MTREX: variants seen among roughly 807,000 people sequenced by gnomAD.
MTREX encodes exosome RNA helicase MTR4.
In MTREX, 76 loss-of-function variants were observed where a neutral mutation model predicts 135.4. The observed-to-expected ratio is 0.56, with a 90% confidence interval of 0.47 to 0.68. MTREX has a LOEUF of 0.68. MTREX is among the 30% of genes least tolerant of loss of function. The pLI is 0.00. For missense variants in MTREX, 920 were observed against 1,262.1 expected (o/e 0.73, Z 4.11); for synonymous variants, 404 against 401.6 (o/e 1.01, Z -0.07).
At position 55,414,248 on chromosome 5, in the gene MTREX, T is replaced by C; in HGVS notation, c.2808+10T>C. 1 of 1,520,062 alleles carries C rather than the reference T, an allele frequency of 6.6e-7. No individual in the cohort carries two copies. The highest frequency in any genetic ancestry group is 8.8e-7 in the Non-Finnish European group (1 of 1,134,138). The allele number at this position is 1,520,062 out of a possible 1,614,324, so 94.2% of individuals were successfully genotyped here. ...ACTTCGTCAAATGCAGGTAAGGTTT[T>C]TTTTTTTTTTTTTTGAACTACATAT... On this transcript the variant is annotated intron_variant, in intron 24 of 26. Transcript: ENST00000230640.
rs970609081 is a variant in MTREX, at chr5:55,336,518, G to A, written c.516-3492G>A. 3.0e-4 allele frequency among the ~76,000 whole-genome samples: 45 copies of A among 152,144 alleles called. 1 individual carries two copies. Among genetic ancestry groups the A allele is most frequent in the Non-Finnish European group, 1.3e-4 (9 of 68,014 alleles). On this transcript the variant is annotated intron_variant, in intron 5 of 26. Coordinates refer to ENST00000230640, the MANE Select transcript of MTREX (RefSeq NM_015360.5). ...AGTATTAGCTTTTTATTCTCTTAGT[G>A]TACTATATTAAATTTTCTGATTTTA...
Position 55,414,242 on chromosome 5 carries a change from AG to A in MTREX, c.2808+6del. ...AGGACCACTTCGTCAAATGCAGGTA[AG>A]GTTTTTTTTTTTTTTTTTTGAACTA... is the stretch of plus-strand genomic sequence containing the variant. On this transcript the variant is annotated splice_donor_5th_base_variant and intron_variant, in intron 24 of 26. Transcript: ENST00000230640. The A allele has an allele frequency of 6.7e-7, 1 of 1,500,244 alleles. No homozygotes were observed. Among genetic ancestry groups the A allele is most frequent in the East Asian group, 2.4e-5 (1 of 42,502 alleles). 92.9% of individuals were successfully genotyped at this position (1,500,244 alleles called of 1,614,324 possible). A position where few individuals can be genotyped will look rare whatever the true frequency, so the allele number is the denominator to read the frequency against.
At position 55,425,498 on chromosome 5, in the gene MTREX, T is replaced by C; in HGVS notation, c.*726T>C. ...GAGACTAACTGGGATTTTTTAAAGA[T>C]TATTCCAAATTAAGAGTTGCTTTGT... is the stretch of plus-strand genomic sequence containing the variant. On this transcript the variant is annotated 3_prime_UTR_variant, in exon 27 of 27. Transcript: ENST00000230640. 2 of 622,252 alleles carry C rather than the reference T, an allele frequency of 3.2e-6. No homozygotes were observed. The highest frequency in any genetic ancestry group is 2.5e-6 in the Non-Finnish European group (1 of 399,800). The allele number at this position is 622,252 out of a possible 1,614,324, so 38.5% of individuals were successfully genotyped here.
chr5:55,312,909 A>G (rs1579842369), intron 1 of MTREX, among the ~76,000 whole-genome samples: 1 of 152,320 alleles, frequency 6.6e-6, no homozygotes. Context: ...GGAATCAGCC[A>G]CATCTCTAAG....
At chr5:55,416,374 A>C (rs1268429608) in intron 25 of MTREX, among the ~76,000 whole-genome samples, 2 of 152,000 alleles carry the variant, frequency 1.3e-5, no homozygotes, top group African/African-American at 4.8e-5. Flanking sequence ...TGCAGTTGTA[A>C]TTCTATGAGT....
chr5:55,420,238 C>A (rs1416904510), intron 25 of MTREX, among the ~76,000 whole-genome samples: 1 of 152,134 alleles, frequency 6.6e-6, no homozygotes, highest in East Asian at 1.9e-4. Context: ...AAATTCGGGT[C>A]AGAGCATGAA....
intron 5 of MTREX, among the ~76,000 whole-genome samples, chr5:55,330,997 T>C (rs1461002189): frequency 6.6e-6 from 1 of 152,184 alleles, no homozygotes; most frequent in African/African-American, 2.4e-5. Flanking sequence ...GTGTGTTTTT[T>C]TAATCTCAGA....
At chr5:55,375,354 A>AG (rs911215186) in intron 16 of MTREX, among the ~76,000 whole-genome samples, 1 of 152,122 alleles carries the variant, frequency 6.6e-6, no homozygotes, top group Admixed American at 6.6e-5. Context: ...GGTACGCCCC[A>AG]GGGGGGACAG....
chr5:55,362,083 A>ATTTT lies in MTREX; in HGVS notation c.1659+3404_1659+3407dup, dbSNP rs35074192. 2.6e-3 allele frequency among the ~76,000 whole-genome samples: 291 copies of ATTTT among 111,144 alleles called. 5 individuals carry two copies. The highest frequency in any genetic ancestry group is 9.4e-3 in the African/African-American group (244 of 25,874). The allele number at this position is 111,144 out of a possible 152,430, so 72.9% of individuals were successfully genotyped here. The stretch of plus-strand genomic sequence containing the variant: ...AGGCATGCACCACCACGTCTGGCTA[A>ATTTT]TTTTTTTTTTTTTTTTTTTTTTGTA... On this transcript the variant is annotated intron_variant, in intron 15 of 26. Coordinates refer to ENST00000230640, the MANE Select transcript of MTREX (RefSeq NM_015360.5).
Position 55,405,438 on chromosome 5 carries a change from T to TC in MTREX, c.2495_2496insC (p.Lys833Ter). 6.2e-7 allele frequency: 1 copy of TC among 1,613,152 alleles called. No homozygotes were observed. Among genetic ancestry groups the TC allele is most frequent in the Non-Finnish European group, 8.5e-7 (1 of 1,179,298 alleles). On this transcript the variant is annotated frameshift_variant, in exon 22 of 27. Coordinates refer to ENST00000230640, the MANE Select transcript of MTREX (RefSeq NM_015360.5). LOFTEE classifies it high-confidence loss of function. ...CATGTGCTTTAGATTGCAATAGATA[T>TC]TAAATCTGCAAAGCGAGAACTGAAG...
chr5:55,423,156 T>A (rs1301306023), intron 26 of MTREX, 174 bp downstream of exon 26: 2 of 597,284 alleles, frequency 3.3e-6, no homozygotes, highest in African/African-American at 3.7e-5. Context: ...AAGTTGAGAT[T>A]TTATATATAC....
chr5:55,386,496 A>G (rs1287892491), intron 18 of MTREX, among the ~76,000 whole-genome samples: 1 of 152,176 alleles, frequency 6.6e-6, no homozygotes, highest in East Asian at 1.9e-4. Flanking sequence ...TACTTTTAAC[A>G]GCAAAATTTT....
At chr5:55,326,789 C>T (rs1224013285) in intron 3 of MTREX, among the ~76,000 whole-genome samples, 2 of 152,126 alleles carry the variant, frequency 1.3e-5, no homozygotes, top group African/African-American at 4.8e-5. Context: ...TGGTGGTTTG[C>T]TGCACCCATC....
At chr5:55,354,017 G>A (rs1022753969) in intron 14 of MTREX, among the ~76,000 whole-genome samples, 3 of 152,152 alleles carry the variant, frequency 2.0e-5, no homozygotes, top group African/African-American at 7.2e-5. Context: ...AGAGAAAGTT[G>A]GGAGCATAGG....
At chr5:55,324,372 C>T (rs1346341740) in intron 3 of MTREX, 174 bp downstream of exon 3, 1 of 305,468 alleles carries the variant, frequency 3.3e-6, no homozygotes, top group African/African-American at 2.4e-5. Flanking sequence ...GGGTTCAGAT[C>T]CTCCCCCAGC....
In MTREX at chr5:55,349,476, A is replaced by G. The variant is rs115073938; in HGVS notation, c.1241-97A>G. The G allele has an allele frequency of 7.9e-4, 573 of 725,300 alleles. 1 individual carries two copies. The African/African-American group carries it at 9.7e-3, about 12-fold the overall frequency. The allele number at this position is 725,300 out of a possible 1,614,324, so 44.9% of individuals were successfully genotyped here. A position where few individuals can be genotyped will look rare whatever the true frequency, so the allele number is the denominator to read the frequency against. ...AGTGCTAGGATTACAAGCTTGGGACACCACGCCTGGCCTTTAGATTCTTAT... is the reference window on the plus strand; with the variant it reads ...AGTGCTAGGATTACAAGCTTGGGACGCCACGCCTGGCCTTTAGATTCTTAT... On this transcript the variant is annotated intron_variant, in intron 11 of 26. Coordinates refer to ENST00000230640, the MANE Select transcript of MTREX (RefSeq NM_015360.5).
intron 15 of MTREX, among the ~76,000 whole-genome samples, chr5:55,365,895 G>A (rs915945306): frequency 6.6e-6 from 1 of 151,836 alleles, no homozygotes; most frequent in Non-Finnish European, 1.5e-5. Flanking sequence ...GGAGGCTGAG[G>A]CAGGAGAATT....
At chr5:55,351,864 A>G (rs1358149727) in intron 13 of MTREX, among the ~76,000 whole-genome samples, 1 of 149,220 alleles carries the variant, frequency 6.7e-6, no homozygotes, top group South Asian at 2.1e-4. Flanking sequence ...TTTTTGAGGC[A>G]GAATCTTGCT....
At chr5:55,382,084 A>G (rs1750405118) in intron 18 of MTREX, among the ~76,000 whole-genome samples, 1 of 151,682 alleles carries the variant, frequency 6.6e-6, no homozygotes. Context: ...CAGCAGTTGG[A>G]TTTTGTTTTT....
Sources: gnomAD v4.1 joint callset for allele counts (sites outside exome capture counted in the v4.1 genomes callset) on GRCh38, gnomAD v4.1.1 for gene constraint, MANE v1.5 for transcripts, NCBI Gene and HGNC (gene_info 2026-07-23, HGNC 2026-07-21) for gene names.